Variants in GPM6A observed in about 807,000 individuals in gnomAD.
GPM6A encodes the protein neuronal membrane glycoprotein M6-a.
GPM6A carries 7 observed loss-of-function variants against 32.1 expected under a neutral mutation model. The ratio of observed to expected loss-of-function variants is 0.22; its 90% CI spans 0.12 to 0.41. The LOEUF (loss-of-function observed/expected upper bound fraction) is 0.41. GPM6A is among the 10% of genes least tolerant of loss of function. The pLI is 1.00. For synonymous variants in GPM6A, 130 were observed against 123.4 expected (o/e 1.05, Z -0.35); for missense variants, 235 against 347.2 (o/e 0.68, Z 2.57).
chr4:175,673,108 C>A (rs1743172979), intron 3 of GPM6A, among the ~76,000 whole-genome samples: 1 of 151,998 alleles, frequency 6.6e-6, no homozygotes, highest in South Asian at 2.1e-4. Flanking sequence ...GTACTTTCAA[C>A]CTTATTATTT....
intron 1 of GPM6A, among the ~76,000 whole-genome samples, chr4:175,800,059 T>C (rs1218236118): frequency 6.6e-6 from 1 of 152,174 alleles, no homozygotes; most frequent in Admixed American, 6.5e-5. Flanking sequence ...AAAATTGTAA[T>C]TTCAAATAGA....
intron 1 of GPM6A, among the ~76,000 whole-genome samples, chr4:175,851,923 A>T (rs1736272134): frequency 6.6e-6 from 1 of 152,314 alleles, no homozygotes; most frequent in African/African-American, 2.4e-5. Flanking sequence ...AAACAAAAAA[A>T]AGAGGACAGT....
At chr4:175,804,109 C>G (rs1192422707) in intron 1 of GPM6A, among the ~76,000 whole-genome samples, 1 of 152,016 alleles carries the variant, frequency 6.6e-6, no homozygotes, top group Non-Finnish European at 1.5e-5. Context: ...ATTGACAAAC[C>G]ACATTCAGTG....
intron 6 of GPM6A, among the ~76,000 whole-genome samples, chr4:175,637,328 T>G (rs1377590576): frequency 2.6e-5 from 2 of 76,188 alleles, no homozygotes; most frequent in African/African-American, 1.1e-4. Context: ...AAATATATAT[T>G]ATATATTATA....
chr4:175,794,970 C>A (rs760965133), intron 1 of GPM6A, among the ~76,000 whole-genome samples: 3 of 151,978 alleles, frequency 2.0e-5, no homozygotes, highest in Non-Finnish European at 4.4e-5. Flanking sequence ...CTAATTAAAG[C>A]GAATAGAAAT....
chr4:175,676,671 A>G (rs1202856621), intron 2 of GPM6A, among the ~76,000 whole-genome samples: 1 of 152,144 alleles, frequency 6.6e-6, no homozygotes, highest in Admixed American at 6.5e-5. Context: ...GTTTGTGTTG[A>G]GGAGGTCAAT....
chr4:175,866,335 G>T (rs1254830445), intron 1 of GPM6A, among the ~76,000 whole-genome samples: 1 of 152,114 alleles, frequency 6.6e-6, no homozygotes, highest in African/African-American at 2.4e-5. Flanking sequence ...TGTGGCACAT[G>T]TTAAGATTTG....
At chr4:175,916,165 T>C (rs1446064229) in intron 1 of GPM6A, among the ~76,000 whole-genome samples, 1 of 152,238 alleles carries the variant, frequency 6.6e-6, no homozygotes, top group African/African-American at 2.4e-5. Context: ...GGGTTCCCGA[T>C]AGAAACCACA....
chr4:175,862,881 C>T (rs1423308631), intron 1 of GPM6A, among the ~76,000 whole-genome samples: 1 of 151,992 alleles, frequency 6.6e-6, no homozygotes, highest in Non-Finnish European at 1.5e-5. Flanking sequence ...CGAATAGGGT[C>T]ATCTCAGCTT....
chr4:175,970,877 T>G lies in GPM6A; in HGVS notation c.-23+31432A>C, dbSNP rs1252418361. The G allele has an allele frequency of 1.1e-5, 5 of 455,934 alleles. No individual in the cohort carries two copies. The East Asian group carries it at 3.5e-4, about 32-fold the overall frequency. 28.2% of individuals were successfully genotyped at this position (455,934 alleles called of 1,614,324 possible). A position where few individuals can be genotyped will look rare whatever the true frequency, so the allele number is the denominator to read the frequency against. On this transcript the variant is annotated intron_variant, in intron 1 of 7. Transcript: ENST00000280187. ...TGTTAGATCCACTGCTCTTACCAAGTGTAGGCATCACTCGATACCGACAGA... is the reference window on the plus strand; with the variant it reads ...TGTTAGATCCACTGCTCTTACCAAGGGTAGGCATCACTCGATACCGACAGA...
At chr4:175,900,660 T>C (rs531506606) in intron 1 of GPM6A, among the ~76,000 whole-genome samples, 1 of 152,172 alleles carries the variant, frequency 6.6e-6, no homozygotes, top group Non-Finnish European at 1.5e-5. Context: ...GGAGCCCTTG[T>C]ACACTGTTGG....
chr4:175,827,789 G>T (rs866619023), intron 1 of GPM6A, among the ~76,000 whole-genome samples: 1 of 152,142 alleles, frequency 6.6e-6, no homozygotes, highest in Non-Finnish European at 1.5e-5. Flanking sequence ...ATGAGGAAAA[G>T]AATACCTATT....
At chr4:175,930,441 TG>T (rs796963596) in intron 1 of GPM6A, among the ~76,000 whole-genome samples, 2 of 95,272 alleles carry the variant, frequency 2.1e-5, no homozygotes, top group African/African-American at 3.1e-5. Context: ...GGGGTTTTTT[TG>T]TTGTTGTTTT....
chr4:175,993,899 GC>G (rs760892508), intron 1 of GPM6A, among the ~76,000 whole-genome samples: 1 of 152,174 alleles, frequency 6.6e-6, no homozygotes, highest in Non-Finnish European at 1.5e-5. Context: ...AGGCATTTGT[GC>G]AACTTACTTG....
chr4:175,643,117 C>T (rs1741249019), intron 4 of GPM6A, among the ~76,000 whole-genome samples: 1 of 152,152 alleles, frequency 6.6e-6, no homozygotes, highest in Non-Finnish European at 1.5e-5. Context: ...TTCCCACCTC[C>T]CTTGCCATCT....
chr4:175,640,092 A>T (rs1741049104), intron 6 of GPM6A, 37 bp downstream of exon 6: 1 of 1,506,390 alleles, frequency 6.6e-7, no homozygotes. Context: ...TTTGGAATTC[A>T]CATTGAAAAC....
At position 175,980,380 on chromosome 4, in the gene GPM6A, C is replaced by A. The variant is rs562017480; in HGVS notation, c.-23+21929G>T. The stretch of plus-strand genomic sequence containing the variant: ...TCAAAAAAACAAAACAAAACAAAAA[C>A]CTTGAGGCCTCACCGTAAGATCATT... On this transcript the variant is annotated intron_variant, in intron 1 of 7. Transcript: ENST00000280187. Among the ~76,000 whole-genome samples the A allele has an allele frequency of 6.6e-5, 10 of 152,174 alleles. No homozygotes were observed. In the South Asian group the frequency reaches 1.9e-3, roughly 28 times the overall value.
rs1444658332 is a variant in GPM6A at position 175,997,191 on chromosome 4, GCAGA to G, written c.-23+5114_-23+5117del. Among the ~76,000 whole-genome samples the G allele has an allele frequency of 4.6e-5, 7 of 152,258 alleles. No homozygotes were observed. The East Asian group carries it at 1.4e-3, about 29-fold the overall frequency. On this transcript the variant is annotated intron_variant, in intron 1 of 7. Coordinates refer to the GPM6A transcript ENST00000280187. Reference sequence around the variant, plus strand: ...GGAGACTTCAAATGAGGATTGCTCAGCAGACAGTCAGCCCTCAGAACCGTGAATG... The same window carrying G: ...GGAGACTTCAAATGAGGATTGCTCAGCAGTCAGCCCTCAGAACCGTGAATG...
chr4:175,725,993 CTTTTTTTTTT>C (rs377474451), intron 1 of GPM6A, among the ~76,000 whole-genome samples: 2 of 121,958 alleles, frequency 1.6e-5, no homozygotes, highest in African/African-American at 3.1e-5. Context: ...CCTGTTTCTT[CTTTTTTTTTT>C]TTTTTTTTTA....
Sources: gnomAD v4.1 joint callset for allele counts (sites outside exome capture counted in the v4.1 genomes callset) on GRCh38, gnomAD v4.1.1 for gene constraint, MANE v1.5 for transcripts, NCBI Gene and HGNC (gene_info 2026-07-23, HGNC 2026-07-21) for gene names.